LIFR: variants seen among roughly 807,000 people sequenced by gnomAD.
The protein encoded by LIFR is LIF receptor subunit alpha.
In LIFR, 84 loss-of-function variants were observed where a neutral mutation model predicts 122.2. That is an observed-to-expected ratio of 0.69 (90% CI 0.58 to 0.82). The LOEUF is 0.82. Ranked by LOEUF, LIFR falls within the 40% of genes least tolerant of loss-of-function variation. LIFR has a pLI of 0.00. For synonymous variants in LIFR, 422 were observed against 434.7 expected, an observed-to-expected ratio of 0.97 and a Z score of 0.36; for missense variants, 1,294 against 1,311.6, an observed-to-expected ratio of 0.99 and a Z score of 0.21.
chr5:38,509,515 G>C (rs1167294328), intron 7 of LIFR, among the ~76,000 whole-genome samples: 1 of 152,164 alleles, frequency 6.6e-6, no homozygotes, highest in African/African-American at 2.4e-5. Context: ...ACGAAGTACT[G>C]TATGAGTAAA....
chr5:38,598,220 TTTTTTTTTTTTTA>T (rs797009514), upstream of LIFR, among the ~76,000 whole-genome samples: 5,695 of 75,606 alleles, frequency 0.075, 446 homozygotes, highest in African/African-American at 0.27. Flanking sequence ...TCTTTTTTTT[TTTTTTTTTTTTTA>T]TTTATTTATT....
intron 1 of LIFR, among the ~76,000 whole-genome samples, chr5:38,548,097 A>G (rs1211334830): frequency 6.6e-6 from 1 of 152,040 alleles, no homozygotes; most frequent in African/African-American, 2.4e-5. Flanking sequence ...TGGGATAGCC[A>G]TAAATTCCAT....
At chr5:38,603,421 T>C (rs1479138459) in intron 2 of LIFR, among the ~76,000 whole-genome samples, 2 of 152,186 alleles carry the variant, frequency 1.3e-5, no homozygotes, top group Non-Finnish European at 2.9e-5. Context: ...TGTGGTCAAA[T>C]AAATTTTGGA....
At chr5:38,500,830 T>G (rs1446494607) in intron 11 of LIFR, among the ~76,000 whole-genome samples, 2 of 152,178 alleles carry the variant, frequency 1.3e-5, no homozygotes, top group African/African-American at 4.8e-5. Context: ...TTGGCCTGTG[T>G]GACCAACAGT....
intron 5 of LIFR, among the ~76,000 whole-genome samples, chr5:38,520,670 A>G (rs376069778): frequency 6.6e-6 from 1 of 152,192 alleles, no homozygotes; most frequent in African/African-American, 2.4e-5. Flanking sequence ...TTTTCCCAGT[A>G]CCATTTATTG....
At chr5:38,490,877 GATTT>G (rs2112403108) in intron 14 of LIFR, 1 of 152,232 alleles carries the variant, frequency 6.6e-6, no homozygotes, top group African/African-American at 2.4e-5. Flanking sequence ...GCAACTGCTT[GATTT>G]TAATGAACAA....
At chr5:38,486,261 T>C (rs1744281803) in intron 16 of LIFR, among the ~76,000 whole-genome samples, 1 of 152,212 alleles carries the variant, frequency 6.6e-6, no homozygotes, top group South Asian at 2.1e-4. Context: ...ACACATTCTG[T>C]AGCATAATGC....
At chr5:38,512,741 G>C (rs1273763350) in intron 5 of LIFR, among the ~76,000 whole-genome samples, 1 of 152,044 alleles carries the variant, frequency 6.6e-6, no homozygotes, top group Non-Finnish European at 1.5e-5. Flanking sequence ...AAAAAGTTTT[G>C]AATTTTAAAA....
Position 38,493,721 on chromosome 5 carries a change from G to T in LIFR, c.1950C>A (p.Asp650Glu), listed in dbSNP as rs1039299965. The T allele has an allele frequency of 6.2e-7, 1 of 1,614,112 alleles. No homozygotes were observed. Among genetic ancestry groups the T allele is most frequent in the Non-Finnish European group, 8.5e-7 (1 of 1,179,978 alleles). The change falls in exon 14 of 20, where the codon GAC becomes GAA. Residue 650 changes from aspartate (D) to glutamate (E), a missense_variant. Transcript: ENST00000453190. The stretch of plus-strand genomic sequence containing the variant: ...TGACGTAGTCGCAAGTCATGTTGGG[G>T]TCGTAATGCCAGGTGAGGAGAATCC... Reference protein sequence around the residue: ...GKGILLTWHYDPNMTCDYVIK... With the variant: ...GKGILLTWHYEPNMTCDYVIK...
At chr5:38,591,248 T>C (rs182784350) in intron 1 of LIFR, among the ~76,000 whole-genome samples, 1 of 152,378 alleles carries the variant, frequency 6.6e-6, no homozygotes, top group African/African-American at 2.4e-5. Context: ...ATTTTTTCAC[T>C]CTGGGCCATG....
At chr5:38,591,109 A>G (rs1354436026) in intron 1 of LIFR, among the ~76,000 whole-genome samples, 4 of 152,234 alleles carry the variant, frequency 2.6e-5, no homozygotes, top group Admixed American at 1.3e-4. Flanking sequence ...GTTTCATTTA[A>G]TCTTCACAAC....
chr5:38,603,968 C>T (rs1261677066), intron 2 of LIFR, among the ~76,000 whole-genome samples: 1 of 152,234 alleles, frequency 6.6e-6, no homozygotes, highest in African/African-American at 2.4e-5. Context: ...TCTCCAGCCA[C>T]AATACCGGAG....
At chr5:38,538,248 T>A (rs564190668) in intron 1 of LIFR, among the ~76,000 whole-genome samples, 20 of 152,344 alleles carry the variant, frequency 1.3e-4, no homozygotes, top group African/African-American at 4.6e-4. Context: ...CTTAGCCTAC[T>A]GCTCCTTCTA....
chr5:38,603,008 C>G (rs528391828), intron 2 of LIFR, among the ~76,000 whole-genome samples: 1 of 152,302 alleles, frequency 6.6e-6, no homozygotes, highest in East Asian at 1.9e-4. Context: ...CCTAAACATA[C>G]TGCGCACGCT....
chr5:38,530,927 TACA>T (rs1448860876), intron 1 of LIFR: 2 of 381,806 alleles, frequency 5.2e-6, no homozygotes, highest in Non-Finnish European at 9.6e-6. Context: ...ATTATAAAAT[TACA>T]ACAAAATTAT....
At chr5:38,589,122 C>T (rs924942719) in intron 1 of LIFR, among the ~76,000 whole-genome samples, 2 of 151,718 alleles carry the variant, frequency 1.3e-5, no homozygotes, top group Admixed American at 6.6e-5. Flanking sequence ...CTCAGCCTCC[C>T]AACTAGCTGG....
At chr5:38,529,253 A>G (rs1746870350) in intron 2 of LIFR, among the ~76,000 whole-genome samples, 1 of 152,076 alleles carries the variant, frequency 6.6e-6, no homozygotes, top group African/African-American at 2.4e-5. Context: ...AATCTTCAAT[A>G]GCCCCACTTA....
intron 1 of LIFR, among the ~76,000 whole-genome samples, chr5:38,549,045 TG>T (rs1748049996): frequency 6.6e-6 from 1 of 152,064 alleles, no homozygotes. Context: ...ATACAAAACT[TG>T]CCCAAGTTCA....
chr5:38,504,548 T>C (rs1745358159), intron 9 of LIFR, among the ~76,000 whole-genome samples: 1 of 152,012 alleles, frequency 6.6e-6, no homozygotes, highest in African/African-American at 2.4e-5. Context: ...ACAGTGAAGA[T>C]GGAACTTAAG....
Sources: gnomAD v4.1 joint callset for allele counts (sites outside exome capture counted in the v4.1 genomes callset) on GRCh38, gnomAD v4.1.1 for gene constraint, MANE v1.5 for transcripts, NCBI Gene and HGNC (gene_info 2026-07-23, HGNC 2026-07-21) for gene names.